The following PRKACB variants were observed in gnomAD, a reference collection of about 807,000 sequenced individuals.
The protein encoded by PRKACB is cAMP-dependent protein kinase catalytic subunit beta.
PRKACB carries 16 observed loss-of-function variants against 51.4 expected under a neutral mutation model. The ratio of observed to expected loss-of-function variants is 0.31; its 90% CI spans 0.21 to 0.47. PRKACB has a LOEUF of 0.47. PRKACB is among the 20% of genes least tolerant of loss of function. PRKACB has a pLI of 1.00. For missense variants in PRKACB, 309 were observed against 464.5 expected (o/e 0.67, Z 3.08); for synonymous variants, 147 against 154.4 (o/e 0.95, Z 0.35).
rs1428067258 is a variant in PRKACB at position 84,225,960 on chromosome 1, T to G, written c.1072-9220T>G. Among the ~76,000 whole-genome samples the G allele has an allele frequency of 4.6e-5, 7 of 152,226 alleles. 1 individual carries two copies. The highest frequency in any genetic ancestry group is 1.7e-4 in the African/African-American group (7 of 41,456). ...CAACATGTGATTATCTACTCACTGT[T>G]TTGGTCCTTCTTTGTGGAGGAGAGT... On this transcript the variant is annotated intron_variant, in intron 9 of 9. Transcript: ENST00000370685.
intron 1 of PRKACB, among the ~76,000 whole-genome samples, chr1:84,099,773 A>G (rs1221086005): frequency 6.6e-6 from 1 of 151,800 alleles, no homozygotes; most frequent in Non-Finnish European, 1.5e-5. Context: ...TGCAAAATAG[A>G]AATAGTTTCT....
At chr1:84,156,458 T>C (rs1272150508) in intron 1 of PRKACB, among the ~76,000 whole-genome samples, 1 of 152,144 alleles carries the variant, frequency 6.6e-6, no homozygotes, top group Non-Finnish European at 1.5e-5. Flanking sequence ...TTCAGTATTA[T>C]GTTCATTCAA....
chr1:84,225,948 T>C (rs1008117581), intron 9 of PRKACB, among the ~76,000 whole-genome samples: 1 of 152,234 alleles, frequency 6.6e-6, no homozygotes. Flanking sequence ...CATGTGATTA[T>C]CTACTCACTG....
At chr1:84,130,780 A>G (rs1171961218) in intron 1 of PRKACB, among the ~76,000 whole-genome samples, 1 of 152,220 alleles carries the variant, frequency 6.6e-6, no homozygotes, top group African/African-American at 2.4e-5. Context: ...AATGCTAAGG[A>G]AAGTTATTTA....
intron 5 of PRKACB, among the ~76,000 whole-genome samples, chr1:84,191,923 C>T (rs1666920844): frequency 6.6e-6 from 1 of 151,918 alleles, no homozygotes. Context: ...TATAAGCACC[C>T]ATTTATCCAA....
chr1:84,088,447 T>C (rs1466295474), intron 1 of PRKACB, among the ~76,000 whole-genome samples: 2 of 152,216 alleles, frequency 1.3e-5, no homozygotes, highest in Non-Finnish European at 2.9e-5. Flanking sequence ...ATTTCTATAC[T>C]GTATTCTTCT....
At chr1:84,199,055 A>T (rs1367145540) in intron 7 of PRKACB, among the ~76,000 whole-genome samples, 1 of 51,528 alleles carries the variant, frequency 1.9e-5, no homozygotes, top group African/African-American at 4.1e-5. Flanking sequence ...ATGCATATAT[A>T]TATGCGTATA....
At chr1:84,199,120 T>TGTATGC (rs1669281867) in intron 7 of PRKACB, among the ~76,000 whole-genome samples, 1 of 127,994 alleles carries the variant, frequency 7.8e-6, no homozygotes, top group Non-Finnish European at 1.7e-5. Context: ...TATATGCATA[T>TGTATGC]ATATATATAT....
At chr1:84,134,272 A>G (rs959689365) in intron 1 of PRKACB, among the ~76,000 whole-genome samples, 1 of 152,190 alleles carries the variant, frequency 6.6e-6, no homozygotes, top group Admixed American at 6.5e-5. Context: ...GGAAAAGGCA[A>G]CATTCAAGTG....
chr1:84,196,432 AT>A (rs1174166263), intron 5 of PRKACB, among the ~76,000 whole-genome samples, 183 bp from the exon 6 acceptor site: 1 of 152,200 alleles, frequency 6.6e-6, no homozygotes, highest in Non-Finnish European at 1.5e-5. Context: ...TCAGAGCGTT[AT>A]TTGAACAAAA....
intron 1 of PRKACB, among the ~76,000 whole-genome samples, chr1:84,138,925 T>TA (rs1338096627): frequency 6.6e-6 from 1 of 152,012 alleles, no homozygotes; most frequent in Non-Finnish European, 1.5e-5. Flanking sequence ...GACTAAAAGG[T>TA]AAAAACCACA....
intron 1 of PRKACB, among the ~76,000 whole-genome samples, chr1:84,156,256 A>C (rs1277861544): frequency 6.6e-6 from 1 of 152,052 alleles, no homozygotes; most frequent in Non-Finnish European, 1.5e-5. Context: ...TGGCCTCCTA[A>C]AGTGCTGGGA....
chr1:84,125,271 C>A (rs1463867776), intron 1 of PRKACB, among the ~76,000 whole-genome samples: 1 of 152,164 alleles, frequency 6.6e-6, no homozygotes, highest in Non-Finnish European at 1.5e-5. Context: ...TCTGGTGCTT[C>A]TACATAGGCT....
intron 9 of PRKACB, among the ~76,000 whole-genome samples, chr1:84,228,657 A>G (rs1013728921): frequency 6.6e-6 from 1 of 152,142 alleles, no homozygotes; most frequent in African/African-American, 2.4e-5. Flanking sequence ...AGGTTTAACA[A>G]TTCTCTAATT....
chr1:84,118,901 A>T (rs1650839134), intron 1 of PRKACB, among the ~76,000 whole-genome samples: 1 of 152,150 alleles, frequency 6.6e-6, no homozygotes, highest in Non-Finnish European at 1.5e-5. Context: ...ATAATCTAAG[A>T]AATACTCTTG....
chr1:84,204,531 G>A (rs1671031081), intron 8 of PRKACB: 5 of 1,599,944 alleles, frequency 3.1e-6, no homozygotes, highest in Non-Finnish European at 4.3e-6. Context: ...AACAGACAAG[G>A]CAGTGATTTA....
At chr1:84,102,101 T>G (rs1050849447) in intron 1 of PRKACB, among the ~76,000 whole-genome samples, 2 of 152,064 alleles carry the variant, frequency 1.3e-5, no homozygotes, top group South Asian at 4.2e-4. Context: ...TATAAAAATT[T>G]TGTGTGTGCC....
chr1:84,182,180 A>T lies in PRKACB; in HGVS notation c.250-20A>T. ...TGTTTTTACGAGAATTTTAAATTTT[A>T]TTTATGTATTTACATATAGAATAAT... On this transcript the variant is annotated intron_variant, in intron 2 of 9. Coordinates refer to ENST00000370685, the MANE Select transcript of PRKACB (RefSeq NM_182948.4). 1 of 1,465,966 alleles carries T rather than the reference A, an allele frequency of 6.8e-7. No homozygotes were observed. The allele number at this position is 1,465,966 out of a possible 1,614,324, so 90.8% of individuals were successfully genotyped here.
chr1:84,192,309 C>A (rs1181115194), intron 5 of PRKACB, among the ~76,000 whole-genome samples: 1 of 151,970 alleles, frequency 6.6e-6, no homozygotes, highest in African/African-American at 2.4e-5. Context: ...TGTGAGGAGA[C>A]CCAAATGATA....
Sources: allele counts gnomAD v4.1 joint callset (sites outside exome capture counted in the v4.1 genomes callset), GRCh38; gene constraint gnomAD v4.1.1; transcripts MANE v1.5; gene names NCBI Gene and HGNC (gene_info 2026-07-23, HGNC 2026-07-21).